BCAR3: variants seen among roughly 807,000 people sequenced by gnomAD.
BCAR3 encodes the protein BCAR3 adaptor protein, NSP family member, also known as breast cancer anti-estrogen resistance protein 3.
Under a neutral mutation model 80.1 loss-of-function variants are expected in BCAR3, and 37 were observed. The observed-to-expected ratio is 0.46, with a 90% CI of 0.36 to 0.61. The LOEUF (loss-of-function observed/expected upper bound fraction) is 0.61. BCAR3 is among the 20% of genes least tolerant of loss of function. BCAR3 has a pLI of 0.00. For missense variants in BCAR3, 978 were observed against 1,068.2 expected (o/e 0.92, Z 1.18); for synonymous variants, 389 against 418.9 (o/e 0.93, Z 0.87).
chr1:93,765,446 C>G (rs2100732876), intron 2 of BCAR3, among the ~76,000 whole-genome samples: 1 of 152,282 alleles, frequency 6.6e-6, no homozygotes, highest in South Asian at 2.1e-4. Flanking sequence ...GTCAGCATCT[C>G]TTTTCTTTAA....
At chr1:93,632,802 G>A (rs1675668931) in intron 3 of BCAR3, among the ~76,000 whole-genome samples, 1 of 152,144 alleles carries the variant, frequency 6.6e-6, no homozygotes, top group African/African-American at 2.4e-5. Flanking sequence ...TGGATCACCT[G>A]AGGTCAGGAG....
Position 93,582,282 on chromosome 1 carries a change from C to G in BCAR3, c.1686+19G>C, listed in dbSNP as rs1299868611. 1 of 1,601,886 alleles carries G rather than the reference C, an allele frequency of 6.2e-7. No individual in the cohort carries two copies. ...AAACCTTGAAAAGCCAGAGGAGCAC[C>G]AGGACCCCCAGCGCTTACCCTGCAG... On this transcript the variant is annotated intron_variant, in intron 7 of 11. Coordinates refer to ENST00000260502, the MANE Select transcript of BCAR3 (RefSeq NM_003567.4).
intron 2 of BCAR3, among the ~76,000 whole-genome samples, chr1:93,669,985 T>C (rs1215920874): frequency 6.6e-6 from 1 of 152,168 alleles, no homozygotes; most frequent in Non-Finnish European, 1.5e-5. Flanking sequence ...TAGGGTGCAG[T>C]GTATACTGCT....
chr1:93,617,233 G>A (rs1046824091), intron 3 of BCAR3, among the ~76,000 whole-genome samples: 2 of 152,204 alleles, frequency 1.3e-5, no homozygotes, highest in Non-Finnish European at 2.9e-5. Context: ...AAAGCACCAC[G>A]GTCCCTGCTA....
intron 2 of BCAR3, among the ~76,000 whole-genome samples, chr1:93,759,690 C>T (rs4465215): frequency 6.6e-6 from 1 of 152,194 alleles, no homozygotes; most frequent in Non-Finnish European, 1.5e-5. Flanking sequence ...AGGAACACAC[C>T]TGCCCTTGCG....
intron 2 of BCAR3, among the ~76,000 whole-genome samples, chr1:93,672,884 C>G (rs1241890826): frequency 1.3e-5 from 2 of 152,190 alleles, no homozygotes; most frequent in Non-Finnish European, 2.9e-5. Flanking sequence ...TAATTCTGAA[C>G]TCTTGTTCGC....
intron 2 of BCAR3, among the ~76,000 whole-genome samples, chr1:93,836,358 C>A (rs933101958): frequency 7.2e-5 from 11 of 152,318 alleles, no homozygotes; most frequent in African/African-American, 2.4e-4. Context: ...CCTCCCAATT[C>A]TTAGTCCTTT....
At chr1:93,710,472 A>T (rs1649981420) in intron 2 of BCAR3, among the ~76,000 whole-genome samples, 1 of 152,214 alleles carries the variant, frequency 6.6e-6, no homozygotes, top group African/African-American at 2.4e-5. Flanking sequence ...CCTAGCCAGG[A>T]TATCTGGGTT....
At position 93,826,793 on chromosome 1, in the gene BCAR3, G is replaced by GGT. The variant is rs370559736; in HGVS notation, c.-63+18772_-63+18773dup. Among the ~76,000 whole-genome samples the GGT allele has an allele frequency of 3.3e-4, 50 of 151,420 alleles. 1 individual carries two copies. Among genetic ancestry groups the GGT allele is most frequent in the Middle Eastern group, 6.8e-3 (2 of 294 alleles). On this transcript the variant is annotated intron_variant, in intron 2 of 13. Transcript: ENST00000370244. ...TCCCATGGCTGGGGAGAGAGGTAGG[G>GGT]GTGTGTGTGTGTGTGCGTGCATGTG...
chr1:93,633,918 C>A (rs926670014), intron 3 of BCAR3, among the ~76,000 whole-genome samples: 1 of 152,196 alleles, frequency 6.6e-6, no homozygotes, highest in Non-Finnish European at 1.5e-5. Context: ...AGCCACCACA[C>A]CCAGCCTAGC....
intron 2 of BCAR3, among the ~76,000 whole-genome samples, chr1:93,673,881 T>C (rs1033313737): frequency 1.3e-5 from 2 of 152,254 alleles, no homozygotes; most frequent in African/African-American, 4.8e-5. Flanking sequence ...TGGATGGACA[T>C]AGTTCAGAAT....
chr1:93,600,718 T>C (rs1034871310), intron 3 of BCAR3: 1 of 152,216 alleles, frequency 6.6e-6, no homozygotes. Flanking sequence ...CCTGCCTCCA[T>C]GCCTTTGTCT....
chr1:93,642,447 G>T (rs915288280), intron 2 of BCAR3, 104 bp from the exon 3 acceptor site: 2 of 1,152,930 alleles, frequency 1.7e-6, no homozygotes, highest in African/African-American at 1.5e-5. Flanking sequence ...AAGTTACTAA[G>T]CTGGGCCCCA....
At chr1:93,768,942 G>T (rs1652253073) in intron 2 of BCAR3, among the ~76,000 whole-genome samples, 1 of 152,166 alleles carries the variant, frequency 6.6e-6, no homozygotes, top group Non-Finnish European at 1.5e-5. Context: ...TAGTTCAAAG[G>T]TCATCTCTGC....
At chr1:93,769,658 A>G (rs887481332) in intron 2 of BCAR3, among the ~76,000 whole-genome samples, 6 of 152,074 alleles carry the variant, frequency 3.9e-5, no homozygotes, top group African/African-American at 1.4e-4. Context: ...TTGAAGAATT[A>G]CTGTTCGAGT....
chr1:93,600,888 T>C (rs1674600235), intron 3 of BCAR3: 1 of 152,320 alleles, frequency 6.6e-6, no homozygotes, highest in Admixed American at 6.5e-5. Flanking sequence ...TCCCAGAGCC[T>C]GGCCCAGTGC....
chr1:93,732,921 C>T (rs751684164), intron 2 of BCAR3, among the ~76,000 whole-genome samples: 3 of 152,244 alleles, frequency 2.0e-5, no homozygotes, highest in African/African-American at 7.2e-5. Context: ...CATTTCTAGA[C>T]AAAGACCAGC....
At chr1:93,598,716 C>CT (rs930468745) in intron 3 of BCAR3, among the ~76,000 whole-genome samples, 1 of 152,214 alleles carries the variant, frequency 6.6e-6, no homozygotes, top group African/African-American at 2.4e-5. Context: ...TACCCCACCT[C>CT]TTTGTCCTTT....
At position 93,586,476 on chromosome 1, in the gene BCAR3, A is replaced by C. The variant is rs1012857528; in HGVS notation, c.930-2355T>G. Among the ~76,000 whole-genome samples, 6 of 151,872 alleles carry C rather than the reference A, an allele frequency of 4.0e-5. No homozygotes were observed. The highest frequency in any genetic ancestry group is 7.4e-5 in the Non-Finnish European group (5 of 68,000). The stretch of plus-strand genomic sequence containing the variant: ...TGATGGACACTTAGGCTGCTTCCAA[A>C]TCTTAGCTATTGTAAACAGTGCTGC... On this transcript the variant is annotated intron_variant, in intron 5 of 11. Coordinates refer to ENST00000260502, the MANE Select transcript of BCAR3 (RefSeq NM_003567.4). This position sits in a 1 kb window ranked among gnomAD's most constrained non-coding sequence, Gnocchi z 4.2.
Sources: gnomAD v4.1 joint callset for allele counts (sites outside exome capture counted in the v4.1 genomes callset) on GRCh38, gnomAD v4.1.1 for gene constraint, Gnocchi (gnomAD v3.1) non-coding constraint, MANE v1.5 for transcripts, NCBI Gene and HGNC (gene_info 2026-07-23, HGNC 2026-07-21) for gene names.